PREX1: variants seen among roughly 807,000 people sequenced by gnomAD.
PREX1 encodes the protein phosphatidylinositol-3,4,5-trisphosphate dependent Rac exchange factor 1, also known as phosphatidylinositol 3,4,5-trisphosphate-dependent Rac exchanger 1 protein.
Under a neutral mutation model 198.3 loss-of-function variants are expected in PREX1, and 41 were observed. The ratio of observed to expected loss-of-function variants is 0.21; its 90% CI spans 0.16 to 0.27. The LOEUF (loss-of-function observed/expected upper bound fraction) is 0.27. Ranked by LOEUF, PREX1 falls within the 10% of genes least tolerant of loss-of-function variation. The pLI is 1.00. For synonymous variants in PREX1, 843 were observed against 887.2 expected, an observed-to-expected ratio of 0.95 and a Z score of 0.89; for missense variants, 1,620 against 2,200.7, an observed-to-expected ratio of 0.74 and a Z score of 5.28.
chr20:48,733,943 G>A (rs2090046045), intron 4 of PREX1, among the ~76,000 whole-genome samples: 1 of 152,100 alleles, frequency 6.6e-6, no homozygotes, highest in Non-Finnish European at 1.5e-5. Flanking sequence ...AGTAGAGACA[G>A]GGTTTCACCA....
At chr20:48,779,499 TG>T (rs1333743253) in intron 1 of PREX1, among the ~76,000 whole-genome samples, 11 of 152,348 alleles carry the variant, frequency 7.2e-5, no homozygotes, top group African/African-American at 2.6e-4. Context: ...ACCCTGCTCC[TG>T]GATGTTTACC....
Position 48,684,425 on chromosome 20 carries a change from C to T in PREX1, c.1335-3090G>A, listed in dbSNP as rs2089772469. On this transcript the variant is annotated intron_variant, in intron 10 of 39. Coordinates refer to ENST00000371941, the MANE Select transcript of PREX1 (RefSeq NM_020820.4). This position sits in a 1 kb window ranked among gnomAD's most constrained non-coding sequence, Gnocchi z 4.2. ...GATGACAATGTTGGACAAATCCTTACCGACCCTCTCGTGCACACTAACACC... is the reference window on the plus strand; with the variant it reads ...GATGACAATGTTGGACAAATCCTTATCGACCCTCTCGTGCACACTAACACC... 6.6e-6 allele frequency among the ~76,000 whole-genome samples: 1 copy of T among 152,154 alleles called. No homozygotes were observed.
intron 1 of PREX1, among the ~76,000 whole-genome samples, chr20:48,818,716 G>C (rs1219576308): frequency 6.6e-6 from 1 of 152,244 alleles, no homozygotes; most frequent in South Asian, 2.1e-4. Context: ...TATGCATGGA[G>C]GGTGGAGTAC....
chr20:48,632,485 C>T lies in PREX1; in HGVS notation c.4411+11G>A, dbSNP rs1568790626. 6.2e-7 allele frequency: 1 copy of T among 1,613,968 alleles called. No homozygotes were observed. The highest frequency in any genetic ancestry group is 1.7e-4 in the Middle Eastern group (1 of 6,060). ...CCCCGTGGTCCTCCCTGCCCCAGGC[C>T]TGAAGCTCACCTTTCGTGAACAGCG... is the stretch of plus-strand genomic sequence containing the variant. On this transcript the variant is annotated intron_variant, in intron 34 of 39. Coordinates refer to ENST00000371941, the MANE Select transcript of PREX1 (RefSeq NM_020820.4).
At chr20:48,710,374 G>C (rs565585191) in intron 5 of PREX1, among the ~76,000 whole-genome samples, 1 of 152,310 alleles carries the variant, frequency 6.6e-6, no homozygotes, top group East Asian at 1.9e-4. Flanking sequence ...AGAGTAGACC[G>C]GTCAACAAGG....
intron 1 of PREX1, among the ~76,000 whole-genome samples, chr20:48,763,917 A>G (rs544245364): frequency 6.6e-6 from 1 of 152,296 alleles, no homozygotes; most frequent in Non-Finnish European, 1.5e-5. Flanking sequence ...GCCTCATCCT[A>G]GACAATCTCA....
At chr20:48,798,848 C>T (rs1456446100) in intron 1 of PREX1, among the ~76,000 whole-genome samples, 4 of 152,154 alleles carry the variant, frequency 2.6e-5, no homozygotes, top group Non-Finnish European at 2.9e-5. Flanking sequence ...AAATTGGAAT[C>T]GCTTCAGATC....
chr20:48,631,059 C>T (rs1016818117), intron 35 of PREX1, among the ~76,000 whole-genome samples: 3 of 152,252 alleles, frequency 2.0e-5, no homozygotes, highest in African/African-American at 7.2e-5. Context: ...CCTCTGCTCC[C>T]CAGGCCCTGG....
chr20:48,643,666 GTTGT>G (rs958795623), intron 27 of PREX1, among the ~76,000 whole-genome samples: 10 of 151,866 alleles, frequency 6.6e-5, no homozygotes, highest in African/African-American at 1.2e-4. Context: ...ACTTCTTTTT[GTTGT>G]TTGTTTGTTT....
At chr20:48,681,606 G>A (rs2089751208) in intron 10 of PREX1, among the ~76,000 whole-genome samples, 2 of 152,138 alleles carry the variant, frequency 1.3e-5, no homozygotes, top group Non-Finnish European at 2.9e-5. Flanking sequence ...AAGGAAGGGA[G>A]AGAGGGAGGG....
At chr20:48,842,225 G>C in the PREX1 span, among the ~76,000 whole-genome samples, 2 of 152,148 alleles carry the variant, frequency 1.3e-5, no homozygotes, top group Non-Finnish European at 2.9e-5. Context: ...GTGGCACATA[G>C]AGTGATTTAG....
In PREX1 at chr20:48,676,302, AG is replaced by A. The variant is rs776839591; in HGVS notation, c.1590-35del. On this transcript the variant is annotated intron_variant, in intron 13 of 39. Coordinates refer to ENST00000371941, the MANE Select transcript of PREX1 (RefSeq NM_020820.4). The stretch of plus-strand genomic sequence containing the variant: ...AAGGTGAGCGCACAGTGAGCAGGGC[AG>A]GGCGGGGAGGACAGAGGTGGGGGTG... 55 of 1,596,066 alleles carry A rather than the reference AG, an allele frequency of 3.4e-5. 1 individual carries two copies. In the South Asian group the frequency reaches 5.6e-4, roughly 16 times the overall value.
chr20:48,835,145 TG>T, the PREX1 span, among the ~76,000 whole-genome samples: 2 of 152,332 alleles, frequency 1.3e-5, no homozygotes, highest in African/African-American at 4.8e-5. Flanking sequence ...TGCCAAGCCA[TG>T]CCAAGCCACT....
At chr20:48,876,619 C>T in the PREX1 span, among the ~76,000 whole-genome samples, 1 of 152,086 alleles carries the variant, frequency 6.6e-6, no homozygotes. Context: ...GAAGTCACAT[C>T]CTCAAGCAAA....
chr20:48,869,024 G>T, the PREX1 span, among the ~76,000 whole-genome samples: 4 of 151,932 alleles, frequency 2.6e-5, no homozygotes, highest in Non-Finnish European at 4.4e-5. Context: ...CTACAGGCAC[G>T]TGCCACCATG....
At chr20:48,775,127 C>T (rs2090255123) in intron 1 of PREX1, among the ~76,000 whole-genome samples, 1 of 152,200 alleles carries the variant, frequency 6.6e-6, no homozygotes, top group Admixed American at 6.5e-5. Context: ...CATTGGTTCT[C>T]TCGGCAAATG....
At chr20:48,629,744 G>T in intron 36 of PREX1, 123 bp from the exon 37 acceptor site, 2 of 1,068,706 alleles carry the variant, frequency 1.9e-6, no homozygotes, top group Non-Finnish European at 2.7e-6. Context: ...CTGCCTCCCA[G>T]CTCACCCCTC....
intron 7 of PREX1, among the ~76,000 whole-genome samples, chr20:48,694,722 G>T (rs1207120032): frequency 6.6e-6 from 1 of 152,210 alleles, no homozygotes; most frequent in African/African-American, 2.4e-5. Flanking sequence ...ATAGGCTGAG[G>T]ATTCAGGAAC....
intron 16 of PREX1, 50 bp downstream of exon 16, chr20:48,659,869 C>T (rs528943506): frequency 3.1e-5 from 50 of 1,611,554 alleles, no homozygotes; most frequent in Middle Eastern, 3.8e-4. Context: ...GCTCCCATGC[C>T]TGCAGGGGGC....
Sources: gnomAD v4.1 joint callset for allele counts (sites outside exome capture counted in the v4.1 genomes callset) on GRCh38, gnomAD v4.1.1 for gene constraint, Gnocchi (gnomAD v3.1) non-coding constraint, MANE v1.5 for transcripts, NCBI Gene and HGNC (gene_info 2026-07-23, HGNC 2026-07-21) for gene names.